The following KATNIP variants were observed in gnomAD, a reference collection of about 807,000 sequenced individuals.
The protein encoded by KATNIP is katanin interacting protein, also known as katanin-interacting protein.
In KATNIP, 126 loss-of-function variants were observed where a neutral mutation model predicts 174.0. That is an observed-to-expected ratio of 0.72 (90% CI 0.63 to 0.84). The LOEUF (loss-of-function observed/expected upper bound fraction) is 0.84. Ranked by LOEUF, KATNIP falls within the 40% of genes least tolerant of loss-of-function variation. The pLI is 0.00. For synonymous variants in KATNIP, 810 were observed against 835.7 expected, an observed-to-expected ratio of 0.97 and a Z score of 0.53; for missense variants, 1,958 against 2,109.7, an observed-to-expected ratio of 0.93 and a Z score of 1.41.
Position 27,728,705 on chromosome 16 carries a change from A to G in KATNIP, c.1743+7010A>G, listed in dbSNP as rs997039683. On this transcript the variant is annotated intron_variant, in intron 14 of 27. Transcript: ENST00000261588. ...TCAGCCTCCCAAAGTGCTGGGATTT[A>G]CAGGCATGAACCGCTCGGCCCAGCC... Among the ~76,000 whole-genome samples, 4 of 152,310 alleles carry G rather than the reference A, an allele frequency of 2.6e-5. No homozygotes were observed. The East Asian group carries it at 7.7e-4, about 29-fold the overall frequency.
intron 14 of KATNIP, among the ~76,000 whole-genome samples, chr16:27,731,604 C>T (rs2080687724): frequency 6.6e-6 from 1 of 151,912 alleles, no homozygotes; most frequent in Non-Finnish European, 1.5e-5. Context: ...ATTTCACGGC[C>T]CTGTCTTTCT....
intron 8 of KATNIP, among the ~76,000 whole-genome samples, chr16:27,690,713 T>C (rs974997104): frequency 6.6e-6 from 1 of 152,192 alleles, no homozygotes; most frequent in African/African-American, 2.4e-5. Flanking sequence ...ATGTCTACCA[T>C]TTCCCTGGAC....
At chr16:27,605,238 A>C (rs755181964) in intron 2 of KATNIP, among the ~76,000 whole-genome samples, 85 of 152,114 alleles carry the variant, frequency 5.6e-4, no homozygotes, top group Non-Finnish European at 1.2e-3. Flanking sequence ...CGACCTCAAG[A>C]TTTTTTAAGT....
intron 8 of KATNIP, among the ~76,000 whole-genome samples, chr16:27,690,933 A>T (rs2078709106): frequency 6.6e-6 from 1 of 152,154 alleles, no homozygotes; most frequent in East Asian, 1.9e-4. Flanking sequence ...CCCAATTTTC[A>T]GGTGGATTTC....
chr16:27,733,605 A>G (rs918634757), intron 14 of KATNIP, among the ~76,000 whole-genome samples: 3 of 149,562 alleles, frequency 2.0e-5, no homozygotes, highest in Admixed American at 2.0e-4. Context: ...ACACACACAT[A>G]TGCAGAGAGA....
At position 27,724,101 on chromosome 16, in the gene KATNIP, C is replaced by T. The variant is rs115792168; in HGVS notation, c.1743+2406C>T. Among the ~76,000 whole-genome samples, 1,095 of 152,302 alleles carry T rather than the reference C, an allele frequency of 7.2e-3. 14 individuals carry two copies. Among genetic ancestry groups the T allele is most frequent in the African/African-American group, 0.025 (1,042 of 41,568 alleles). On this transcript the variant is annotated intron_variant, in intron 14 of 27. Coordinates refer to ENST00000261588, the MANE Select transcript of KATNIP (RefSeq NM_015202.5). The stretch of plus-strand genomic sequence containing the variant: ...AGAAGGCCAAGCCACTGGGAACTTG[C>T]GGAAATTTCTCTGGGCATGTCTCTG...
intron 3 of KATNIP, among the ~76,000 whole-genome samples, chr16:27,624,513 T>A (rs1177742987): frequency 6.6e-6 from 1 of 152,148 alleles, no homozygotes; most frequent in Non-Finnish European, 1.5e-5. Context: ...TGGGGTCACT[T>A]GTTCCAGAAA....
rs779134365 is a variant in KATNIP at position 27,628,763 on chromosome 16, A to G, written c.243A>G (p.Lys81=). The G allele has an allele frequency of 1.8e-5, 29 of 1,614,112 alleles. No individual in the cohort carries two copies. The highest frequency in any genetic ancestry group is 2.1e-5 in the Non-Finnish European group (25 of 1,180,048). ...TCAACGGTGCCAATTCGGAGCTGAA[A>G]TCATCACCGCGGAAAGCTATTCACT... ...VYVNGANSEL[K]SSPRKAIHSD... is the part of the protein sequence containing the mutation. The change falls in exon 4 of 28, where the codon AAA becomes AAG. Residue 81 remains lysine (K), a synonymous_variant. Transcript: ENST00000261588.
At chr16:27,561,815 G>A (rs1204257851) in intron 1 of KATNIP, among the ~76,000 whole-genome samples, 1 of 152,170 alleles carries the variant, frequency 6.6e-6, no homozygotes, top group Non-Finnish European at 1.5e-5. Flanking sequence ...ATGTCGCCTA[G>A]GGTCTCATTT....
chr16:27,607,881 G>A (rs2075759027), intron 2 of KATNIP, among the ~76,000 whole-genome samples: 2 of 152,146 alleles, frequency 1.3e-5, no homozygotes, highest in Admixed American at 6.6e-5. Flanking sequence ...GATTATAGGC[G>A]TGAGCCACCA....
intron 14 of KATNIP, among the ~76,000 whole-genome samples, chr16:27,739,662 AG>A (rs2081027562): frequency 6.6e-6 from 1 of 152,236 alleles, no homozygotes. Flanking sequence ...GATTTCACAC[AG>A]GGGAATGACT....
At chr16:27,630,813 C>T (rs886444330) in intron 4 of KATNIP, among the ~76,000 whole-genome samples, 2 of 152,128 alleles carry the variant, frequency 1.3e-5, no homozygotes, top group African/African-American at 4.8e-5. Context: ...CTGCCTGATC[C>T]GGCCATATAT....
At chr16:27,749,190 A>G (rs2081398375) in intron 15 of KATNIP, among the ~76,000 whole-genome samples, 1 of 152,238 alleles carries the variant, frequency 6.6e-6, no homozygotes, top group Non-Finnish European at 1.5e-5. Context: ...CTTGGTTCAC[A>G]CGATGATTGC....
At chr16:27,647,570 A>G (rs1409302921) in intron 5 of KATNIP, among the ~76,000 whole-genome samples, 1 of 150,416 alleles carries the variant, frequency 6.6e-6, no homozygotes, top group Non-Finnish European at 1.5e-5. Flanking sequence ...CAATGGCATG[A>G]TCTCGGCTCA....
chr16:27,638,167 C>G (rs1288416697), intron 5 of KATNIP, among the ~76,000 whole-genome samples: 1 of 152,194 alleles, frequency 6.6e-6, no homozygotes. Context: ...ATGAGGCACC[C>G]CCTCCTACCT....
chr16:27,772,645 G>T (rs188437996), intron 22 of KATNIP, among the ~76,000 whole-genome samples: 6 of 152,212 alleles, frequency 3.9e-5, no homozygotes, highest in Non-Finnish European at 8.8e-5. Flanking sequence ...GAAAGGGATG[G>T]AGGAGGTTGC....
chr16:27,775,456 C>G (rs1270486241), intron 24 of KATNIP, among the ~76,000 whole-genome samples: 1 of 152,234 alleles, frequency 6.6e-6, no homozygotes, highest in Non-Finnish European at 1.5e-5. Flanking sequence ...ACCCAGCTCT[C>G]CGCACACTCA....
At position 27,766,858 on chromosome 16, in the gene KATNIP, G is replaced by A. The variant is rs145288574; in HGVS notation, c.3975+384G>A. Among the ~76,000 whole-genome samples, 128 of 152,210 alleles carry A rather than the reference G, an allele frequency of 8.4e-4. 1 individual carries two copies. In the South Asian group the frequency reaches 0.01, roughly 12 times the overall value. On this transcript the variant is annotated intron_variant, in intron 20 of 27. Transcript: ENST00000261588. ...TTCTCATTCCAGCCAATGGGAGGTGGGTGTGATTACCCCCATTTCTTAGGG... is the reference window on the plus strand; with the variant it reads ...TTCTCATTCCAGCCAATGGGAGGTGAGTGTGATTACCCCCATTTCTTAGGG...
At position 27,750,366 on chromosome 16, in the gene KATNIP, T is replaced by C; in HGVS notation, c.3346+60T>C. On this transcript the variant is annotated intron_variant, in intron 16 of 27. Transcript: ENST00000261588. ...CTATCTGTGACTTGCTGAGAGTCTA[T>C]GGGAAAAAACAGACCAGCTGGCTAG... is the stretch of plus-strand genomic sequence containing the variant. The C allele has an allele frequency of 2.0e-6, 3 of 1,534,024 alleles. No individual in the cohort carries two copies. The South Asian group carries it at 3.9e-5, about 20-fold the overall frequency.
Sources: allele counts gnomAD v4.1 joint callset (sites outside exome capture counted in the v4.1 genomes callset), GRCh38; gene constraint gnomAD v4.1.1; transcripts MANE v1.5; gene names NCBI Gene and HGNC (gene_info 2026-07-23, HGNC 2026-07-21).